Variants in P2RX3 observed in about 807,000 individuals in gnomAD.
P2RX3 encodes the protein P2X purinoceptor 3.
P2RX3 carries 41 observed loss-of-function variants against 51.5 expected under a neutral mutation model. That is an observed-to-expected ratio of 0.80 (90% CI 0.62 to 1.03). The LOEUF is 1.03. Among genes scored for constraint, P2RX3 ranks in the 50% least tolerant of loss-of-function variants. The pLI, the probability that P2RX3 is intolerant of heterozygous loss-of-function variation, is 0.00. For synonymous variants in P2RX3, 185 were observed against 191.6 expected, an observed-to-expected ratio of 0.97 and a Z score of 0.29; for missense variants, 459 against 522.1, an observed-to-expected ratio of 0.88 and a Z score of 1.18.
intron 4 of P2RX3, among the ~76,000 whole-genome samples, chr11:57,347,865 A>G (rs529652406): frequency 3.4e-4 from 52 of 152,306 alleles, no homozygotes; most frequent in African/African-American, 1.2e-3. Context: ...GGGGGCTTCA[A>G]AAAGTTCATT....
intron 8 of P2RX3, among the ~76,000 whole-genome samples, chr11:57,351,105 G>A (rs993764309): frequency 2.6e-5 from 4 of 152,162 alleles, no homozygotes; most frequent in African/African-American, 9.7e-5. Context: ...TATCACTGAA[G>A]GGGACCACGC....
intron 2 of P2RX3, 86 bp downstream of exon 2, chr11:57,346,765 G>A: frequency 6.5e-7 from 1 of 1,529,326 alleles, no homozygotes; most frequent in African/African-American, 1.4e-5. Flanking sequence ...AGTGCCAATG[G>A]GATTCCCAAA....
chr11:57,363,444 C>T (rs1856750538), intron 8 of P2RX3, among the ~76,000 whole-genome samples: 1 of 152,156 alleles, frequency 6.6e-6, no homozygotes, highest in African/African-American at 2.4e-5. Context: ...GGGATCTAGG[C>T]TCCTGCCATC....
At chr11:57,362,713 G>A (rs1228827439) in intron 8 of P2RX3, among the ~76,000 whole-genome samples, 1 of 152,190 alleles carries the variant, frequency 6.6e-6, no homozygotes, top group Non-Finnish European at 1.5e-5. Context: ...TGTTGGTTTT[G>A]TGACCTTAGA....
rs554808928 is a variant in P2RX3 at position 57,371,740 on chromosome 11, C to A, written c.*1743C>A. Among the ~76,000 whole-genome samples the A allele has an allele frequency of 7.2e-5, 11 of 152,228 alleles. No homozygotes were observed. Among genetic ancestry groups the A allele is most frequent in the Non-Finnish European group, 1.5e-4 (10 of 68,038 alleles). ...TGCCTGGAGATCTGACCAGACTATG[C>A]TTCTCCAGCAGAGACATCAGTGAAG... On this transcript the variant is annotated 3_prime_UTR_variant, in exon 12 of 12. Transcript: ENST00000263314.
rs1163300099 is a variant in P2RX3 at position 57,346,628 on chromosome 11, A to T, written c.204A>T (p.Gly68=). Residue 68 remains glycine (G), a synonymous_variant, in exon 2 of 12, where the codon GGA becomes GGT. Coordinates refer to ENST00000263314, the MANE Select transcript of P2RX3 (RefSeq NM_002559.5). ...SSVVTKVKGS[G]LYANRVMDVS... ...TGGTAACCAAGGTGAAGGGCTCCGG[A>T]CTCTACGCCAACAGAGTCATGGATG... is the stretch of plus-strand genomic sequence containing the variant. 1.9e-6 allele frequency: 3 copies of T among 1,613,676 alleles called. No homozygotes were observed. Among genetic ancestry groups the T allele is most frequent in the Non-Finnish European group, 2.5e-6 (3 of 1,179,948 alleles).
At chr11:57,369,256 G>A (rs2134452804) in intron 10 of P2RX3, 105 bp from the exon 11 acceptor site, 3 of 947,660 alleles carry the variant, frequency 3.2e-6, no homozygotes, top group East Asian at 5.1e-5. Context: ...CCTGCCCACT[G>A]TTTAGGCAGC....
chr11:57,354,226 T>A (rs770466760), intron 8 of P2RX3, among the ~76,000 whole-genome samples: 1 of 152,198 alleles, frequency 6.6e-6, no homozygotes, highest in Non-Finnish European at 1.5e-5. Context: ...TCCATGCAAG[T>A]TAATCTTTAT....
intron 1 of P2RX3, 83 bp downstream of exon 1, chr11:57,338,752 C>T (rs1387664323): frequency 1.1e-6 from 1 of 918,978 alleles, no homozygotes; most frequent in Non-Finnish European, 1.7e-6. Context: ...TGCTACCATC[C>T]AGCTTCCTGA....
intron 7 of P2RX3, chr11:57,350,443 C>T (rs982065081): frequency 3.1e-5 from 8 of 256,542 alleles, no homozygotes; most frequent in Non-Finnish European, 6.1e-5. Flanking sequence ...GGACCAAGCC[C>T]GGCTAATTTT....
At position 57,350,765 on chromosome 11, in the gene P2RX3, G is replaced by A. The variant is rs1306260852; in HGVS notation, c.709G>A (p.Gly237Arg). The A allele has an allele frequency of 2.5e-6, 4 of 1,613,986 alleles. No individual in the cohort carries two copies. Among genetic ancestry groups the A allele is most frequent in the Admixed American group, 1.7e-5 (1 of 60,016 alleles). The change falls in exon 8 of 12, where the codon GGA becomes AGA. Residue 237 changes from glycine (G) to arginine (R), a missense_variant. Gly to Arg is a moderately radical substitution (Grantham distance 125). Transcript: ENST00000263314. ...QDFAKLARTG[G>R]VLGIKIGWVC... ...CATACCCGGCCCGTTTCTTCAGGGG[G>A]GAGTTCTGGGCATTAAGATCGGCTG...
chr11:57,343,719 C>G (rs897834765), intron 1 of P2RX3, among the ~76,000 whole-genome samples: 1 of 152,124 alleles, frequency 6.6e-6, no homozygotes, highest in Non-Finnish European at 1.5e-5. Flanking sequence ...TTCCTTAGGT[C>G]GACACTGAGA....
chr11:57,355,778 A>G (rs1856620453), intron 8 of P2RX3, among the ~76,000 whole-genome samples: 3 of 152,248 alleles, frequency 2.0e-5, no homozygotes, highest in Admixed American at 2.0e-4. Flanking sequence ...GGGAATTAAC[A>G]TCTGGGACGG....
intron 10 of P2RX3, 127 bp downstream of exon 10, chr11:57,368,564 T>C (rs955518069): frequency 5.9e-6 from 6 of 1,025,542 alleles, no homozygotes; most frequent in Non-Finnish European, 8.8e-6. Context: ...TACCCCCACT[T>C]GCTAGGTGCT....
At chr11:57,341,038 C>T (rs977165311) in intron 1 of P2RX3, among the ~76,000 whole-genome samples, 1 of 152,116 alleles carries the variant, frequency 6.6e-6, no homozygotes, top group East Asian at 1.9e-4. Flanking sequence ...TTTGTTTTTA[C>T]AGGAGATGAA....
At position 57,370,038 on chromosome 11, in the gene P2RX3, C is replaced by G. The variant is rs548713019; in HGVS notation, c.*41C>G. On this transcript the variant is annotated 3_prime_UTR_variant, in exon 12 of 12. Transcript: ENST00000263314. Reference sequence around the variant, plus strand: ...CCCCACACTCACAAAGGCTCCAGGCCTCCCCACAGAGGACCCTGCCTGAGC... The same window carrying G: ...CCCCACACTCACAAAGGCTCCAGGCGTCCCCACAGAGGACCCTGCCTGAGC... 1.7e-5 allele frequency: 25 copies of G among 1,430,856 alleles called. No individual in the cohort carries two copies. In the African/African-American group the frequency reaches 3.1e-4, roughly 17 times the overall value. The allele number at this position is 1,430,856 out of a possible 1,614,324, so 88.6% of individuals were successfully genotyped here.
At chr11:57,339,422 C>G (rs896890663) in intron 1 of P2RX3, among the ~76,000 whole-genome samples, 1 of 152,156 alleles carries the variant, frequency 6.6e-6, no homozygotes, top group Non-Finnish European at 1.5e-5. Context: ...CCCTACCTCT[C>G]CCTGACCCTG....
intron 4 of P2RX3, 27 bp downstream of exon 4, chr11:57,347,505 C>CA: frequency 6.4e-7 from 1 of 1,551,210 alleles, no homozygotes. Context: ...ACCCACCCCA[C>CA]AATCCCAAGT....
At chr11:57,340,000 G>A (rs1201413350) in intron 1 of P2RX3, among the ~76,000 whole-genome samples, 2 of 152,214 alleles carry the variant, frequency 1.3e-5, no homozygotes, top group Non-Finnish European at 2.9e-5. Context: ...CTTTGGAATA[G>A]CATTAAATGG....
Sources: gnomAD v4.1 joint callset for allele counts (sites outside exome capture counted in the v4.1 genomes callset) on GRCh38, gnomAD v4.1.1 for gene constraint, MANE v1.5 for transcripts, NCBI Gene and HGNC (gene_info 2026-07-23, HGNC 2026-07-21) for gene names.